BRAF: variants seen among roughly 807,000 people sequenced by gnomAD.
BRAF encodes serine/threonine-protein kinase B-raf.
A neutral mutation model predicts 104.6 loss-of-function variants in BRAF; 16 were observed. The observed-to-expected ratio is 0.15, with a 90% CI of 0.10 to 0.23. The LOEUF is 0.23. Ranked by LOEUF, BRAF falls within the 10% of genes least tolerant of loss-of-function variation. The probability of loss-of-function intolerance (pLI) is 1.00; values close to 1 mark genes in which losing one functional copy is unlikely to be tolerated. For missense variants in BRAF, 541 were observed against 937.3 expected (o/e 0.58, Z 5.52); for synonymous variants, 310 against 341.6 (o/e 0.91, Z 1.02).
At chr7:140,751,603 G>A (rs1797795912) in intron 16 of BRAF, among the ~76,000 whole-genome samples, 1 of 152,202 alleles carries the variant, frequency 6.6e-6, no homozygotes, top group Non-Finnish European at 1.5e-5. Context: ...CATTTCAGAT[G>A]TAGACTTAGA....
intron 10 of BRAF, among the ~76,000 whole-genome samples, chr7:140,785,117 T>C (rs1430938148): frequency 6.6e-6 from 1 of 152,190 alleles, no homozygotes; most frequent in African/African-American, 2.4e-5. Flanking sequence ...AATCTTTTTT[T>C]TGTCTTTTTT....
intron 1 of BRAF, among the ~76,000 whole-genome samples, chr7:140,896,483 C>T (rs1466432809): frequency 2.6e-5 from 4 of 151,974 alleles, no homozygotes; most frequent in Admixed American, 1.3e-4. Flanking sequence ...AATCCCAACA[C>T]GTTGGGAGGC....
At chr7:140,887,871 G>A (rs1813751095) in intron 1 of BRAF, among the ~76,000 whole-genome samples, 1 of 149,898 alleles carries the variant, frequency 6.7e-6, no homozygotes, top group Admixed American at 6.7e-5. Context: ...ATGCCACCAT[G>A]CTCGTTTAAT....
chr7:140,835,742 T>C (rs575001993), intron 2 of BRAF: 42 of 152,284 alleles, frequency 2.8e-4, no homozygotes, highest in Admixed American at 9.8e-4. Flanking sequence ...CAGAATGACA[T>C]TGAACGAATT....
chr7:140,749,630 T>C (rs1797630730), intron 16 of BRAF, among the ~76,000 whole-genome samples: 1 of 152,212 alleles, frequency 6.6e-6, no homozygotes, highest in East Asian at 1.9e-4. Flanking sequence ...AGAGATTTTG[T>C]ATTGTATTAC....
intron 1 of BRAF, among the ~76,000 whole-genome samples, chr7:140,873,166 CTTTTTTTTTTTTT>C (rs1165344332): frequency 1.0e-5 from 1 of 99,148 alleles, no homozygotes; most frequent in African/African-American, 4.4e-5. Flanking sequence ...CAGTCTGTGG[CTTTTTTTTTTTTT>C]TTTTTTTTTT....
chr7:140,743,663 T>C lies in BRAF; in HGVS notation c.2113-3717A>G, dbSNP rs555719999. 4.6e-5 allele frequency among the ~76,000 whole-genome samples: 7 copies of C among 151,978 alleles called. No individual in the cohort carries two copies. In the South Asian group the frequency reaches 1.5e-3, roughly 32 times the overall value. On this transcript the variant is annotated intron_variant, in intron 17 of 19. Coordinates refer to ENST00000644969, the MANE Select transcript of BRAF (RefSeq NM_001374258.1). ...GGGTGCAGCACACCAGCATGGCACA[T>C]GTATACATATGTAACTAACCTGCAC...
chr7:140,801,255 A>G, intron 6 of BRAF, 157 bp downstream of exon 6: 1 of 720,646 alleles, frequency 1.4e-6, no homozygotes, highest in South Asian at 1.9e-5. Flanking sequence ...AATACTGTCC[A>G]TTCCACATAT....
intron 5 of BRAF, among the ~76,000 whole-genome samples, chr7:140,806,111 A>G (rs1480441473): frequency 6.6e-6 from 1 of 152,174 alleles, no homozygotes; most frequent in African/African-American, 2.4e-5. Context: ...TGTATCATCC[A>G]TTCTGAACTT....
rs60814637 is a variant in BRAF, at chr7:140,734,797, G to GAAAAAAAAAAGAAAAAAAAAAAA, written c.2248-28_2248-27insTTTTTTTTTTTTCTTTTTTTTTT. Reference sequence around the variant, plus strand: ...TACAAAAAAAAAAAGAAAAAAAAAAGAAAAAAAAAGAAAAAAGAAAAAAAA... The same window carrying GAAAAAAAAAAGAAAAAAAAAAAA: ...TACAAAAAAAAAAAGAAAAAAAAAAGAAAAAAAAAAGAAAAAAAAAAAAAAAAAAAAAGAAAAAAGAAAAAAAA... On this transcript the variant is annotated intron_variant, in intron 18 of 19. Coordinates refer to ENST00000644969, the MANE Select transcript of BRAF (RefSeq NM_001374258.1). 6 of 1,130,036 alleles carry GAAAAAAAAAAGAAAAAAAAAAAA rather than the reference G, an allele frequency of 5.3e-6. No individual in the cohort carries two copies. In the African/African-American group the frequency reaches 6.3e-5, roughly 12 times the overall value. 70.0% of individuals were successfully genotyped at this position (1,130,036 alleles called of 1,614,324 possible).
intron 1 of BRAF, among the ~76,000 whole-genome samples, chr7:140,884,890 A>T (rs571772467): frequency 6.6e-6 from 1 of 152,234 alleles, no homozygotes; most frequent in Admixed American, 6.5e-5. Flanking sequence ...CTAATTAACA[A>T]AAGTGATCTA....
intron 1 of BRAF, among the ~76,000 whole-genome samples, chr7:140,898,017 A>G (rs1815161896): frequency 6.6e-6 from 1 of 152,068 alleles, no homozygotes; most frequent in South Asian, 2.1e-4. Context: ...TGGGCAACAC[A>G]GCAAGACTCC....
intron 1 of BRAF, among the ~76,000 whole-genome samples, chr7:140,881,151 G>A (rs183502109): frequency 1.4e-3 from 207 of 152,274 alleles, no homozygotes; most frequent in Admixed American, 2.7e-3. Flanking sequence ...AAAAGAATGT[G>A]CTGTCATCCA....
intron 14 of BRAF, among the ~76,000 whole-genome samples, chr7:140,766,303 G>T (rs183040366): frequency 2.0e-5 from 3 of 152,082 alleles, no homozygotes; most frequent in Non-Finnish European, 4.4e-5. Context: ...GGTGGGGCAG[G>T]GGGGAGGGAT....
In BRAF at chr7:140,734,473, C is replaced by G. The variant is rs1317771158; in HGVS notation, c.2401+144G>C. The G allele has an allele frequency of 6.9e-6, 11 of 1,591,042 alleles. No homozygotes were observed. The highest frequency in any genetic ancestry group is 8.5e-6 in the Non-Finnish European group (10 of 1,173,956). On this transcript the variant is annotated intron_variant, in intron 19 of 19. Coordinates refer to ENST00000644969, the MANE Select transcript of BRAF (RefSeq NM_001374258.1). ...AAATTATATCTAGTCTTTAACCACA[C>G]AAGTGTTCTTTGGTTCACCTTAAAA...
In BRAF at chr7:140,719,867, G is replaced by A; in HGVS notation, c.*6627C>T. On this transcript the variant is annotated 3_prime_UTR_variant, in exon 20 of 20. Transcript: ENST00000644969. ...TTCAATGCTTGAGTGGAACTGAAGT[G>A]TACTAAACCCGAACCTTTGGCAGTA... 3.8e-6 allele frequency: 4 copies of A among 1,062,870 alleles called. No individual in the cohort carries two copies. The highest frequency in any genetic ancestry group is 4.6e-6 in the Non-Finnish European group (4 of 877,718). The allele number at this position is 1,062,870 out of a possible 1,614,324, so 65.8% of individuals were successfully genotyped here. A position where few individuals can be genotyped will look rare whatever the true frequency, so the allele number is the denominator to read the frequency against.
chr7:140,787,700 A>C lies in BRAF; in HGVS notation c.1141-116T>G. On this transcript the variant is annotated intron_variant, in intron 8 of 19. Transcript: ENST00000644969. ...ATTATTTTATTAATTAAAACAATAC[A>C]TCTTATAACTATTACACAAAACAAT... The C allele has an allele frequency of 3.5e-6, 3 of 858,136 alleles. No homozygotes were observed. The South Asian group carries it at 4.7e-5, about 13-fold the overall frequency. 53.2% of individuals were successfully genotyped at this position (858,136 alleles called of 1,614,324 possible).
rs1189627629 is a variant in BRAF, at chr7:140,725,572, G to A, written c.*922C>T. ...AACTGTTATTAAGCAGTTTTGTGGG[G>A]GTTTAGTTAGATACTGCCACGGCAT... On this transcript the variant is annotated 3_prime_UTR_variant, in exon 20 of 20. Coordinates refer to ENST00000644969, the MANE Select transcript of BRAF (RefSeq NM_001374258.1). 1 of 1,054,992 alleles carries A rather than the reference G, an allele frequency of 9.5e-7. No homozygotes were observed. Among genetic ancestry groups the A allele is most frequent in the Non-Finnish European group, 1.1e-6 (1 of 872,768 alleles). 65.4% of individuals were successfully genotyped at this position (1,054,992 alleles called of 1,614,324 possible).
At chr7:140,906,461 C>G (rs2129134851) in intron 1 of BRAF, among the ~76,000 whole-genome samples, 1 of 152,348 alleles carries the variant, frequency 6.6e-6, no homozygotes, top group Admixed American at 6.5e-5. Flanking sequence ...CTCAGCCTCT[C>G]AAAGTACCAT....
Sources: gnomAD v4.1 joint callset for allele counts (sites outside exome capture counted in the v4.1 genomes callset) on GRCh38, gnomAD v4.1.1 for gene constraint, MANE v1.5 for transcripts, NCBI Gene and HGNC (gene_info 2026-07-23, HGNC 2026-07-21) for gene names.